Variants in REDIC1 observed in about 807,000 individuals in gnomAD.
REDIC1 encodes the protein regulator of DNA class I crossover intermediates 1.
At chr12:39,743,534 C>G in the REDIC1 span, among the ~76,000 whole-genome samples, 2 of 152,090 alleles carry the variant, frequency 1.3e-5, no homozygotes, top group Non-Finnish European at 2.9e-5. Flanking sequence ...TCAGATATAG[C>G]AGGGATGTTG....
the REDIC1 span, among the ~76,000 whole-genome samples, chr12:39,869,829 G>A: frequency 6.6e-6 from 1 of 152,160 alleles, no homozygotes; most frequent in African/African-American, 2.4e-5. Context: ...CTCACTCTTT[G>A]GTAACAATAA....
chr12:39,741,864 C>T, the REDIC1 span, among the ~76,000 whole-genome samples: 2 of 152,172 alleles, frequency 1.3e-5, no homozygotes, highest in Non-Finnish European at 2.9e-5. Context: ...TTGCCAGAGT[C>T]AGCCACAACA....
chr12:39,694,828 C>T, the REDIC1 span, among the ~76,000 whole-genome samples: 1 of 152,090 alleles, frequency 6.6e-6, no homozygotes, highest in Non-Finnish European at 1.5e-5. Context: ...CTTGCAGCTC[C>T]AAAATAGACC....
At chr12:39,709,517 C>T in the REDIC1 span, among the ~76,000 whole-genome samples, 1 of 151,742 alleles carries the variant, frequency 6.6e-6, no homozygotes, top group Non-Finnish European at 1.5e-5. Flanking sequence ...GCCCCTCCCC[C>T]CAGCCCCTGG....
chr12:39,704,296 A>T, the REDIC1 span, among the ~76,000 whole-genome samples: 1 of 152,230 alleles, frequency 6.6e-6, no homozygotes, highest in African/African-American at 2.4e-5. Flanking sequence ...GAAGACATTT[A>T]TGCAGCCAAA....
At chr12:39,711,740 T>C in the REDIC1 span, among the ~76,000 whole-genome samples, 2 of 131,704 alleles carry the variant, frequency 1.5e-5, no homozygotes, top group South Asian at 2.4e-4. Flanking sequence ...TGTGTGTATG[T>C]GTGTATACAC....
the REDIC1 span, among the ~76,000 whole-genome samples, chr12:39,725,433 C>T: frequency 6.6e-6 from 1 of 152,076 alleles, no homozygotes; most frequent in Non-Finnish European, 1.5e-5. Context: ...GCTTTTCAAC[C>T]CATATGCTCA....
chr12:39,685,417 A>T, the REDIC1 span, among the ~76,000 whole-genome samples: 5 of 152,136 alleles, frequency 3.3e-5, no homozygotes, highest in African/African-American at 4.8e-5. Context: ...AGAGAGAGTG[A>T]GTAGGGAGGT....
At chr12:39,860,584 A>G in the REDIC1 span, among the ~76,000 whole-genome samples, 2 of 152,202 alleles carry the variant, frequency 1.3e-5, no homozygotes, top group African/African-American at 4.8e-5. Flanking sequence ...CCACATGTCC[A>G]AAATTGCACG....
the REDIC1 span, among the ~76,000 whole-genome samples, chr12:39,894,079 A>G: frequency 3.3e-5 from 5 of 152,210 alleles, no homozygotes; most frequent in Non-Finnish European, 7.3e-5. Flanking sequence ...ATTTTAATAA[A>G]TGTTTTTGCA....
chr12:39,652,295 A>C, the REDIC1 span, among the ~76,000 whole-genome samples: 1 of 152,118 alleles, frequency 6.6e-6, no homozygotes, highest in Non-Finnish European at 1.5e-5. Context: ...GTGTATGTTT[A>C]AGTTTAAAAA....
chr12:39,629,323 G>T, the REDIC1 span, among the ~76,000 whole-genome samples: 1 of 152,088 alleles, frequency 6.6e-6, no homozygotes, highest in Non-Finnish European at 1.5e-5. Context: ...AGTTAATAAA[G>T]GGCTCTCTAT....
chr12:39,898,510 C>T, the REDIC1 span, among the ~76,000 whole-genome samples: 2 of 151,862 alleles, frequency 1.3e-5, no homozygotes, highest in Non-Finnish European at 1.5e-5. Context: ...TTTCCCCCCT[C>T]TATCATTGAA....
the REDIC1 span, among the ~76,000 whole-genome samples, chr12:39,896,208 GTATA>G: frequency 6.8e-6 from 1 of 146,730 alleles, no homozygotes; most frequent in East Asian, 2.0e-4. Context: ...ATGTATACAT[GTATA>G]TACGTATACA....
At chr12:39,810,508 G>A in the REDIC1 span, among the ~76,000 whole-genome samples, 3 of 152,000 alleles carry the variant, frequency 2.0e-5, no homozygotes, top group Non-Finnish European at 4.4e-5. Context: ...GGATCTCCAG[G>A]AAAATGTCAT....
the REDIC1 span, among the ~76,000 whole-genome samples, chr12:39,805,247 A>T: frequency 6.6e-6 from 1 of 152,174 alleles, no homozygotes; most frequent in Non-Finnish European, 1.5e-5. Flanking sequence ...CAGAGTGTTG[A>T]ACAGAAAGTG....
the REDIC1 span, among the ~76,000 whole-genome samples, chr12:39,694,917 G>A: frequency 6.6e-6 from 1 of 152,154 alleles, no homozygotes; most frequent in African/African-American, 2.4e-5. Context: ...ATTAGCCACA[G>A]TAAGATAGGG....
chr12:39,728,218 G>T, the REDIC1 span, among the ~76,000 whole-genome samples: 1 of 152,132 alleles, frequency 6.6e-6, no homozygotes, highest in Non-Finnish European at 1.5e-5. Flanking sequence ...GTTGTCTTGT[G>T]CTGGTTTTTA....
chr12:39,638,116 A>C, the REDIC1 span, among the ~76,000 whole-genome samples: 1 of 152,064 alleles, frequency 6.6e-6, no homozygotes, highest in South Asian at 2.1e-4. Context: ...ACAACAACAA[A>C]AAACAAATAA....
Sources: allele counts gnomAD v4.1 joint callset (sites outside exome capture counted in the v4.1 genomes callset), GRCh38; gene constraint gnomAD v4.1.1; transcripts MANE v1.5; gene names NCBI Gene and HGNC (gene_info 2026-07-23, HGNC 2026-07-21).